The following MICU2 variants were observed in gnomAD, a reference collection of about 807,000 sequenced individuals.
The protein encoded by MICU2 is mitochondrial calcium uptake 2.
MICU2 carries 64 observed loss-of-function variants against 60.4 expected under a neutral mutation model. The observed-to-expected ratio is 1.06, with a 90% CI of 0.87 to 1.31. The LOEUF (loss-of-function observed/expected upper bound fraction) is 1.31, where lower values mean the gene tolerates loss of function less well. Among genes scored for constraint, MICU2 ranks in the 50% most tolerant of loss-of-function variants. MICU2 has a pLI of 0.00. For synonymous variants in MICU2, 201 were observed against 175.0 expected, an observed-to-expected ratio of 1.15 and a Z score of -1.17; for missense variants, 569 against 531.0, an observed-to-expected ratio of 1.07 and a Z score of -0.70.
chr13:21,509,768 T>C (rs1360600260), intron 8 of MICU2, among the ~76,000 whole-genome samples: 1 of 152,246 alleles, frequency 6.6e-6, no homozygotes, highest in Non-Finnish European at 1.5e-5. Flanking sequence ...AAAGAATTAT[T>C]GTATTCTATG....
chr13:21,603,766 G>A (rs1227108464), intron 1 of MICU2, 173 bp downstream of exon 1: 2 of 695,908 alleles, frequency 2.9e-6, no homozygotes, highest in African/African-American at 1.9e-5. Flanking sequence ...GACTCAGGCC[G>A]GGGGCCGGTC....
At chr13:21,502,191 T>C (rs1047847556) in intron 9 of MICU2, among the ~76,000 whole-genome samples, 1 of 152,164 alleles carries the variant, frequency 6.6e-6, no homozygotes, top group Middle Eastern at 3.2e-3. Context: ...TATATATTTA[T>C]CTTGCAGTTA....
chr13:21,512,930 A>G (rs146570578), intron 7 of MICU2, among the ~76,000 whole-genome samples: 1 of 152,232 alleles, frequency 6.6e-6, no homozygotes, highest in East Asian at 1.9e-4. Flanking sequence ...ATTCTTTTAC[A>G]CATAGATATC....
intron 4 of MICU2, among the ~76,000 whole-genome samples, chr13:21,535,870 G>A (rs1015846490): frequency 2.0e-5 from 3 of 152,038 alleles, no homozygotes; most frequent in Non-Finnish European, 4.4e-5. Flanking sequence ...CCATAAGGAA[G>A]GCATTACTAT....
intron 2 of MICU2, among the ~76,000 whole-genome samples, chr13:21,555,746 C>CG (rs1031772698): frequency 6.6e-6 from 1 of 152,090 alleles, no homozygotes; most frequent in Admixed American, 6.6e-5. Flanking sequence ...ATACCTTCCC[C>CG]CCCTCTTCAC....
At chr13:21,527,971 C>T (rs1215919742) in intron 4 of MICU2, among the ~76,000 whole-genome samples, 1 of 152,122 alleles carries the variant, frequency 6.6e-6, no homozygotes, top group Non-Finnish European at 1.5e-5. Flanking sequence ...CTGTTAAGTA[C>T]AATTTTGTGA....
At chr13:21,573,736 T>G (rs1239452007) in intron 1 of MICU2, among the ~76,000 whole-genome samples, 1 of 149,854 alleles carries the variant, frequency 6.7e-6, no homozygotes, top group Non-Finnish European at 1.5e-5. Context: ...GAGTTAATAA[T>G]TAAAAAAAAA....
intron 4 of MICU2, among the ~76,000 whole-genome samples, chr13:21,531,830 AAAAAC>A (rs1408991046): frequency 6.6e-6 from 1 of 152,226 alleles, no homozygotes; most frequent in Non-Finnish European, 1.5e-5. Context: ...AGCTGTATCT[AAAAAC>A]AAAAACAAAC....
At chr13:21,546,506 T>C (rs1407102336) in intron 2 of MICU2, among the ~76,000 whole-genome samples, 1 of 151,982 alleles carries the variant, frequency 6.6e-6, no homozygotes, top group East Asian at 1.9e-4. Context: ...CTTAGAAAAG[T>C]GAGGTTAAAA....
intron 1 of MICU2, among the ~76,000 whole-genome samples, chr13:21,573,737 T>TA (rs34785024): frequency 0.013 from 1,800 of 142,342 alleles, 19 homozygotes; most frequent in Middle Eastern, 0.032. Flanking sequence ...AGTTAATAAT[T>TA]AAAAAAAAAA....
intron 9 of MICU2, among the ~76,000 whole-genome samples, chr13:21,498,431 C>T (rs147517133): frequency 0.012 from 1,566 of 134,878 alleles, 29 homozygotes; most frequent in African/African-American, 0.041. Flanking sequence ...CAGGCTGAAG[C>T]GCAATGGCGC....
chr13:21,537,087 C>T (rs1473103363), intron 4 of MICU2, among the ~76,000 whole-genome samples: 3 of 152,198 alleles, frequency 2.0e-5, no homozygotes, highest in Admixed American at 6.5e-5. Context: ...TGGAGTTTAT[C>T]ATGAAAAGGG....
chr13:21,497,749 TTC>T (rs769208109), intron 9 of MICU2, among the ~76,000 whole-genome samples: 1 of 152,074 alleles, frequency 6.6e-6, no homozygotes, highest in Non-Finnish European at 1.5e-5. Context: ...AGTATGAAAA[TTC>T]TCTTAGTTTT....
At chr13:21,578,505 C>T (rs901347618) in intron 1 of MICU2, among the ~76,000 whole-genome samples, 14 of 152,040 alleles carry the variant, frequency 9.2e-5, no homozygotes, top group African/African-American at 3.4e-4. Flanking sequence ...GGGAGGATCA[C>T]TTGAGCCTGC....
chr13:21,549,133 G>GCA (rs1566156454), intron 2 of MICU2, among the ~76,000 whole-genome samples: 1 of 151,750 alleles, frequency 6.6e-6, no homozygotes, highest in Non-Finnish European at 1.5e-5. Context: ...GTTTCACCGT[G>GCA]TTAGCCAGGA....
At position 21,566,819 on chromosome 13, in the gene MICU2, T is replaced by C. The variant is rs140343130; in HGVS notation, c.336A>G (p.Ser112=). Residue 112 remains serine (S), a synonymous_variant, in exon 2 of 12, where the codon TCA becomes TCG. Coordinates refer to ENST00000382374, the MANE Select transcript of MICU2 (RefSeq NM_152726.3). Reference sequence around the variant, plus strand: ...CACGTTCCATTTGCTCAAACATCACTGAGAAGAGGAAGTCTCGTGGTGTCA... The same window carrying C: ...CACGTTCCATTTGCTCAAACATCACCGAGAAGAGGAAGTCTCGTGGTGTCA... The part of the protein sequence containing the change: ...YYMTPRDFLF[S]VMFEQMERKT... 3 of 1,597,836 alleles carry C rather than the reference T, an allele frequency of 1.9e-6. No homozygotes were observed. In the African/African-American group the frequency reaches 4.0e-5, roughly 22 times the overall value.
chr13:21,595,648 A>G (rs1339624109), intron 1 of MICU2, among the ~76,000 whole-genome samples: 1 of 152,236 alleles, frequency 6.6e-6, no homozygotes, highest in African/African-American at 2.4e-5. Context: ...TCAATACTGT[A>G]CTCTAGTTCC....
intron 1 of MICU2, among the ~76,000 whole-genome samples, chr13:21,602,107 C>A (rs7331236): frequency 0.94 from 138,289 of 146,676 alleles, 64,953 homozygotes; most frequent in East Asian, 1. Context: ...TCCATCTCAA[C>A]AACAAAAAAA....
At chr13:21,573,314 T>C (rs1458080914) in intron 1 of MICU2, among the ~76,000 whole-genome samples, 2 of 151,942 alleles carry the variant, frequency 1.3e-5, no homozygotes, top group African/African-American at 2.4e-5. Flanking sequence ...CACTCTGTCA[T>C]CCAGGCTGGA....
Sources: allele counts gnomAD v4.1 joint callset (sites outside exome capture counted in the v4.1 genomes callset), GRCh38; gene constraint gnomAD v4.1.1; transcripts MANE v1.5; gene names NCBI Gene and HGNC (gene_info 2026-07-23, HGNC 2026-07-21).